Variants in COL11A1 observed in about 807,000 individuals in gnomAD.
COL11A1 encodes the protein collagen type XI alpha 1 chain.
In COL11A1, 74 loss-of-function variants were observed where a neutral mutation model predicts 265.2. The ratio of observed to expected loss-of-function variants is 0.28; its 90% CI spans 0.23 to 0.34. COL11A1 has a LOEUF of 0.34. Ranked by LOEUF, COL11A1 falls within the 10% of genes least tolerant of loss-of-function variation. The probability of loss-of-function intolerance (pLI) is 1.00; values close to 1 mark genes in which losing one functional copy is unlikely to be tolerated. For synonymous variants in COL11A1, 816 were observed against 727.6 expected (o/e 1.12, Z -1.96); for missense variants, 2,165 against 2,263.6 (o/e 0.96, Z 0.88).
At chr1:102,954,531 G>A (rs1209858849) in intron 41 of COL11A1, among the ~76,000 whole-genome samples, 1 of 152,088 alleles carries the variant, frequency 6.6e-6, no homozygotes, top group Non-Finnish European at 1.5e-5. Context: ...GCAAAAACAC[G>A]TCTGCTCTGT....
At chr1:102,939,947 T>C (rs1038194679) in intron 43 of COL11A1, among the ~76,000 whole-genome samples, 3 of 152,152 alleles carry the variant, frequency 2.0e-5, no homozygotes, top group Admixed American at 1.3e-4. Context: ...GAAGTAAATA[T>C]GTAGCTCATT....
chr1:103,034,379 A>AT (rs151123506), intron 4 of COL11A1, among the ~76,000 whole-genome samples: 12,188 of 151,618 alleles, frequency 0.08, 547 homozygotes, highest in Middle Eastern at 0.15. Context: ...TTTTTAATGT[A>AT]TTTTTCCCCC....
At position 103,048,788 on chromosome 1, in the gene COL11A1, G is replaced by T. The variant is rs533311054; in HGVS notation, c.652-17544C>A. The stretch of plus-strand genomic sequence containing the variant: ...GCTTTGAATATGTCCTAGAGATTCT[G>T]GTATGTTGTGTCTTTTTTCTTGTTG... On this transcript the variant is annotated intron_variant, in intron 4 of 66. Transcript: ENST00000370096. Among the ~76,000 whole-genome samples the T allele has an allele frequency of 2.6e-5, 4 of 152,196 alleles. No homozygotes were observed. In the East Asian group the frequency reaches 7.7e-4, roughly 29 times the overall value.
intron 49 of COL11A1, among the ~76,000 whole-genome samples, chr1:102,919,733 A>T (rs1028305745): frequency 6.6e-6 from 1 of 152,070 alleles, no homozygotes; most frequent in Non-Finnish European, 1.5e-5. Context: ...TCATGTTCAC[A>T]AGAAAAAAAA....
chr1:102,888,551 C>A (rs1289944782), intron 62 of COL11A1, 26 bp downstream of exon 62: 1 of 1,603,168 alleles, frequency 6.2e-7, no homozygotes, highest in Non-Finnish European at 8.5e-7. Flanking sequence ...ACTGTCAGAA[C>A]ATCACTCTTG....
intron 43 of COL11A1, among the ~76,000 whole-genome samples, chr1:102,939,583 A>T (rs1015795358): frequency 5.9e-5 from 9 of 152,000 alleles, no homozygotes; most frequent in African/African-American, 2.4e-5. Flanking sequence ...GCATGCTTGT[A>T]GTCTCAGCTA....
At chr1:102,885,325 A>G (rs1320506) in intron 63 of COL11A1, among the ~76,000 whole-genome samples, 1 of 151,970 alleles carries the variant, frequency 6.6e-6, no homozygotes, top group African/African-American at 2.4e-5. Flanking sequence ...GAATCGAATT[A>G]TTTCTACCTT....
At chr1:102,905,657 A>T (rs764178208) in intron 54 of COL11A1, among the ~76,000 whole-genome samples, 2 of 152,242 alleles carry the variant, frequency 1.3e-5, no homozygotes, top group East Asian at 1.9e-4. Context: ...TAAAATATAC[A>T]TGAAGTTGTC....
intron 4 of COL11A1, among the ~76,000 whole-genome samples, chr1:103,057,922 CT>C (rs1442081061): frequency 6.6e-6 from 1 of 152,138 alleles, no homozygotes; most frequent in East Asian, 1.9e-4. Flanking sequence ...CTGGCTTCAA[CT>C]TAAAGTAGCC....
At chr1:102,920,028 C>T (rs1179241764) in intron 49 of COL11A1, among the ~76,000 whole-genome samples, 1 of 152,056 alleles carries the variant, frequency 6.6e-6, no homozygotes, top group East Asian at 1.9e-4. Flanking sequence ...TAGGGCTCAG[C>T]TTTCTCAGCT....
chr1:103,060,789 C>T (rs1670616817), intron 4 of COL11A1, among the ~76,000 whole-genome samples: 2 of 152,002 alleles, frequency 1.3e-5, no homozygotes, highest in Admixed American at 6.6e-5. Context: ...CAGTGAGACC[C>T]TATCTCTACA....
At chr1:103,092,640 A>G (rs1162810367) in intron 1 of COL11A1, among the ~76,000 whole-genome samples, 1 of 152,108 alleles carries the variant, frequency 6.6e-6, no homozygotes, top group East Asian at 1.9e-4. Context: ...GGTGAACCCA[A>G]ATGTGGCAAG....
chr1:102,879,002 G>T (rs554285373), intron 66 of COL11A1, among the ~76,000 whole-genome samples: 4 of 151,964 alleles, frequency 2.6e-5, no homozygotes, highest in African/African-American at 9.6e-5. Context: ...CCCAACTCTT[G>T]CTCCATTCAT....
At chr1:103,037,604 A>G (rs901208951) in intron 4 of COL11A1, among the ~76,000 whole-genome samples, 17 of 152,178 alleles carry the variant, frequency 1.1e-4, no homozygotes, top group African/African-American at 4.1e-4. Flanking sequence ...AAAAGGCAGA[A>G]GAAATTTAGA....
At chr1:103,097,065 T>A (rs1673831999) in intron 1 of COL11A1, among the ~76,000 whole-genome samples, 1 of 151,956 alleles carries the variant, frequency 6.6e-6, no homozygotes, top group Admixed American at 6.6e-5. Flanking sequence ...GGTTGGCTAT[T>A]CCAGAAAAAA....
At chr1:103,012,087 C>A (rs1557943329) in intron 14 of COL11A1, among the ~76,000 whole-genome samples, 1 of 151,998 alleles carries the variant, frequency 6.6e-6, no homozygotes, top group Non-Finnish European at 1.5e-5. Flanking sequence ...AAAATTAAGG[C>A]TCAAGGATTT....
At chr1:103,036,322 GTATATATATATATA>G (rs3056958) in intron 4 of COL11A1, among the ~76,000 whole-genome samples, 4,938 of 140,372 alleles carry the variant, frequency 0.035, 122 homozygotes, top group Middle Eastern at 0.11. Flanking sequence ...AGTTGCTATC[GTATATATATATATA>G]TATATATATA....
intron 37 of COL11A1, 68 bp from the exon 38 acceptor site, chr1:102,965,608 A>T: frequency 7.8e-7 from 1 of 1,274,990 alleles, no homozygotes. Flanking sequence ...ATTCTATGAG[A>T]TAGCTGAATA....
intron 54 of COL11A1, among the ~76,000 whole-genome samples, chr1:102,905,796 C>A (rs913158531): frequency 6.6e-6 from 1 of 152,048 alleles, no homozygotes; most frequent in African/African-American, 2.4e-5. Context: ...TCCTTAAAAT[C>A]ACAATATACT....
Sources: gnomAD v4.1 joint callset for allele counts (sites outside exome capture counted in the v4.1 genomes callset) on GRCh38, gnomAD v4.1.1 for gene constraint, MANE v1.5 for transcripts, NCBI Gene and HGNC (gene_info 2026-07-23, HGNC 2026-07-21) for gene names.